The following PTPRK variants were observed in gnomAD, a reference collection of about 807,000 sequenced individuals.
PTPRK encodes receptor-type tyrosine-protein phosphatase kappa.
Under a neutral mutation model 178.0 loss-of-function variants are expected in PTPRK, and 75 were observed. The ratio of observed to expected loss-of-function variants is 0.42; its 90% confidence interval spans 0.35 to 0.51. The LOEUF (loss-of-function observed/expected upper bound fraction) is 0.51, where lower values mean the gene tolerates loss of function less well. PTPRK is among the 20% of genes least tolerant of loss of function. PTPRK has a pLI of 0.02. For synonymous variants in PTPRK, 637 were observed against 620.6 expected, an observed-to-expected ratio of 1.03 and a Z score of -0.39; for missense variants, 1,441 against 1,797.8, an observed-to-expected ratio of 0.80 and a Z score of 3.59.
chr6:128,083,229 T>G (rs1386503532), intron 9 of PTPRK, among the ~76,000 whole-genome samples: 1 of 152,076 alleles, frequency 6.6e-6, no homozygotes, highest in Non-Finnish European at 1.5e-5. Context: ...TTTCTCATAT[T>G]TGAAAAGATA....
intron 1 of PTPRK, among the ~76,000 whole-genome samples, chr6:128,505,458 C>T (rs28550449): frequency 0.071 from 10,694 of 151,626 alleles, 773 homozygotes; most frequent in African/African-American, 0.19. Context: ...AATAAATACA[C>T]ACATAAAATA....
chr6:128,321,920 T>TG, intron 3 of PTPRK, 119 bp downstream of exon 3: 3 of 1,288,844 alleles, frequency 2.3e-6, no homozygotes, highest in Non-Finnish European at 3.3e-6. Context: ...ATAATGGGGG[T>TG]GGGGGAGGCA....
At chr6:128,295,098 C>G (rs1304743962) in intron 3 of PTPRK, among the ~76,000 whole-genome samples, 2 of 152,028 alleles carry the variant, frequency 1.3e-5, no homozygotes, top group African/African-American at 4.8e-5. Context: ...CAAAATTTAA[C>G]TATATGATTA....
At chr6:127,996,253 A>C (rs1308995776) in intron 17 of PTPRK, among the ~76,000 whole-genome samples, 1 of 152,096 alleles carries the variant, frequency 6.6e-6, no homozygotes, top group African/African-American at 2.4e-5. Flanking sequence ...CCAATCTTGA[A>C]TATGTTTGAT....
rs943596868 is a variant in PTPRK at position 128,433,135 on chromosome 6, C to T, written c.101-35447G>A. ...TTGTGCTACGAAGATTTCAATTCTT[C>T]TACCTATTTTGAAATATACAACATA... On this transcript the variant is annotated intron_variant, in intron 1 of 29. Coordinates refer to ENST00000368226, the MANE Select transcript of PTPRK (RefSeq NM_002844.4). Among the ~76,000 whole-genome samples the T allele has an allele frequency of 2.6e-5, 4 of 152,276 alleles. No individual in the cohort carries two copies. The East Asian group carries it at 5.8e-4, about 22-fold the overall frequency.
chr6:128,101,982 T>C (rs535535602), intron 7 of PTPRK, among the ~76,000 whole-genome samples: 4 of 152,340 alleles, frequency 2.6e-5, no homozygotes, highest in African/African-American at 9.6e-5. Context: ...TCTGTACCTT[T>C]ATTAAAGCAT....
chr6:128,368,639 T>C (rs1309000411), intron 2 of PTPRK, among the ~76,000 whole-genome samples: 1 of 152,080 alleles, frequency 6.6e-6, no homozygotes, highest in Non-Finnish European at 1.5e-5. Context: ...TTCCTTTAAC[T>C]CTTTAGGACC....
At chr6:128,057,781 G>C (rs1780147769) in intron 13 of PTPRK, among the ~76,000 whole-genome samples, 2 of 152,072 alleles carry the variant, frequency 1.3e-5, no homozygotes, top group African/African-American at 4.8e-5. Context: ...GTGAATCACC[G>C]AATCTGAGGG....
chr6:128,513,483 CA>C (rs201571531), intron 1 of PTPRK, among the ~76,000 whole-genome samples: 9,298 of 82,060 alleles, frequency 0.11, 394 homozygotes, highest in Admixed American at 0.27. Context: ...ACTCCATCTC[CA>C]AAAAAAAAAA....
At chr6:128,281,478 G>A (rs573720269) in intron 3 of PTPRK, among the ~76,000 whole-genome samples, 1 of 152,208 alleles carries the variant, frequency 6.6e-6, no homozygotes, top group South Asian at 2.1e-4. Context: ...GCCAACCAGG[G>A]AGTTTAAGTT....
chr6:128,295,070 T>C (rs554053652), intron 3 of PTPRK, among the ~76,000 whole-genome samples: 10 of 152,262 alleles, frequency 6.6e-5, no homozygotes, highest in African/African-American at 2.2e-4. Flanking sequence ...CTTAAGTCAG[T>C]AATATGTGAT....
intron 7 of PTPRK, among the ~76,000 whole-genome samples, chr6:128,092,617 A>C (rs192520291): frequency 1.1e-3 from 175 of 152,290 alleles, no homozygotes; most frequent in African/African-American, 3.8e-3. Flanking sequence ...TATAGCATAC[A>C]AACTTCTCTG....
chr6:128,501,819 G>C (rs1014956562), intron 1 of PTPRK, among the ~76,000 whole-genome samples: 1 of 152,074 alleles, frequency 6.6e-6, no homozygotes. Flanking sequence ...AATGATAAAA[G>C]ACCATTAAAT....
At chr6:128,009,352 A>C in intron 13 of PTPRK, 84 bp from the exon 14 acceptor site, 1 of 1,281,524 alleles carries the variant, frequency 7.8e-7, no homozygotes, top group Non-Finnish European at 1.1e-6. Context: ...ACCTCCAAGA[A>C]ACACAACTTG....
At chr6:128,282,036 C>T (rs1033535260) in intron 3 of PTPRK, among the ~76,000 whole-genome samples, 1 of 152,116 alleles carries the variant, frequency 6.6e-6, no homozygotes, top group Admixed American at 6.6e-5. Flanking sequence ...AGAACTGATT[C>T]TCTAGCTTTT....
intron 13 of PTPRK, among the ~76,000 whole-genome samples, chr6:128,026,506 T>G (rs1774332727): frequency 6.6e-6 from 1 of 152,202 alleles, no homozygotes; most frequent in Non-Finnish European, 1.5e-5. Context: ...TTCTCATCTT[T>G]ACAATGAAAT....
intron 1 of PTPRK, among the ~76,000 whole-genome samples, chr6:128,416,449 G>A (rs1461500167): frequency 6.6e-6 from 1 of 151,482 alleles, no homozygotes; most frequent in African/African-American, 2.4e-5. Flanking sequence ...AGACCATCCT[G>A]GCTAACACGG....
rs200901139 is a variant in PTPRK at position 128,005,156 on chromosome 6, C to G, written c.2422G>C (p.Asp808His). The change falls in exon 15 of 30, where the codon GAT (aspartate) becomes CAT (histidine). Residue 808 changes from aspartate (D) to histidine (H), a missense_variant. Coordinates refer to ENST00000368226, the MANE Select transcript of PTPRK (RefSeq NM_002844.4). ...TCTTCTGCATGCAGAGTGCTCTGAT[C>G]AGCATAACTTCGATCCATTGCATTC... is the stretch of plus-strand genomic sequence containing the variant. ...MVNAMDRSYADQSTLHAEDPL... is the reference protein window; with the variant it reads ...MVNAMDRSYAHQSTLHAEDPL... 1.2e-6 allele frequency: 2 copies of G among 1,611,666 alleles called. No individual in the cohort carries two copies. Among genetic ancestry groups the G allele is most frequent in the Non-Finnish European group, 1.7e-6 (2 of 1,178,602 alleles).
At chr6:128,211,055 T>A (rs940735684) in intron 6 of PTPRK, among the ~76,000 whole-genome samples, 1 of 152,098 alleles carries the variant, frequency 6.6e-6, no homozygotes, top group African/African-American at 2.4e-5. Flanking sequence ...ATAAATTATA[T>A]CCTAAAGTGT....
Sources: gnomAD v4.1 joint callset for allele counts (sites outside exome capture counted in the v4.1 genomes callset) on GRCh38, gnomAD v4.1.1 for gene constraint, MANE v1.5 for transcripts, NCBI Gene and HGNC (gene_info 2026-07-23, HGNC 2026-07-21) for gene names.